Variants in GPM6A observed in about 807,000 individuals in gnomAD.
GPM6A encodes the protein glycoprotein M6A.
A neutral mutation model predicts 32.1 loss-of-function variants in GPM6A; 7 were observed. The ratio of observed to expected loss-of-function variants is 0.22; its 90% CI spans 0.12 to 0.41. The LOEUF is 0.41. Ranked by LOEUF, GPM6A falls within the 10% of genes least tolerant of loss-of-function variation. The probability of loss-of-function intolerance (pLI) is 1.00; values close to 1 mark genes in which losing one functional copy is unlikely to be tolerated. For missense variants in GPM6A, 235 were observed against 347.2 expected (o/e 0.68, Z 2.57); for synonymous variants, 130 against 123.4 (o/e 1.05, Z -0.35).
rs538081650 is a variant in GPM6A, at chr4:175,893,131, G to A, written c.-22-80882C>T. Among the ~76,000 whole-genome samples the A allele has an allele frequency of 2.0e-5, 3 of 152,318 alleles. No homozygotes were observed. The South Asian group carries it at 6.2e-4, about 32-fold the overall frequency. ...CCCCATGGATAAGACAGGCATTGGA[G>A]ACAGTGATGGTAAACCTACGAGCCT... On this transcript the variant is annotated intron_variant, in intron 1 of 7. Coordinates refer to the GPM6A transcript ENST00000280187.
intron 1 of GPM6A, among the ~76,000 whole-genome samples, chr4:175,992,696 T>C (rs1005380589): frequency 1.3e-5 from 2 of 152,186 alleles, no homozygotes; most frequent in Admixed American, 6.5e-5. Flanking sequence ...AGTTTGAATA[T>C]AGGTCATGTA....
intron 1 of GPM6A, among the ~76,000 whole-genome samples, chr4:175,764,164 T>C (rs544258360): frequency 6.6e-6 from 1 of 152,326 alleles, no homozygotes; most frequent in East Asian, 1.9e-4. Context: ...TAAGCAGTCC[T>C]GCCTCAGTTC....
intron 1 of GPM6A, among the ~76,000 whole-genome samples, chr4:175,953,247 A>G (rs1219698604): frequency 6.6e-6 from 1 of 152,182 alleles, no homozygotes; most frequent in Non-Finnish European, 1.5e-5. Flanking sequence ...TAGTTTTTGA[A>G]GCTGAAAAAC....
chr4:175,941,716 C>T (rs1343847005), intron 1 of GPM6A, among the ~76,000 whole-genome samples: 1 of 152,158 alleles, frequency 6.6e-6, no homozygotes, highest in African/African-American at 2.4e-5. Flanking sequence ...GACATGAACT[C>T]ATCTTTTTTA....
At chr4:175,742,739 G>A (rs1312684922) in intron 1 of GPM6A, among the ~76,000 whole-genome samples, 2 of 152,102 alleles carry the variant, frequency 1.3e-5, no homozygotes, top group African/African-American at 4.8e-5. Context: ...ATTTCGAAGA[G>A]GAATCAACGC....
intron 1 of GPM6A, among the ~76,000 whole-genome samples, chr4:175,719,101 A>G (rs1210133146): frequency 6.6e-6 from 1 of 152,132 alleles, no homozygotes; most frequent in Non-Finnish European, 1.5e-5. Context: ...TTTAGAATTT[A>G]TATATTTATT....
chr4:175,724,752 T>C (rs1450373977), intron 1 of GPM6A, among the ~76,000 whole-genome samples: 1 of 151,918 alleles, frequency 6.6e-6, no homozygotes, highest in Non-Finnish European at 1.5e-5. Flanking sequence ...GAGAGAAGAG[T>C]GCTTTTCTCT....
At chr4:175,745,160 C>A (rs1732051224) in intron 1 of GPM6A, among the ~76,000 whole-genome samples, 1 of 152,028 alleles carries the variant, frequency 6.6e-6, no homozygotes, top group African/African-American at 2.4e-5. Flanking sequence ...GATTTTTTTA[C>A]AGCATACACA....
At chr4:175,746,922 AAGAT>A (rs1732127261) in intron 1 of GPM6A, among the ~76,000 whole-genome samples, 1 of 152,178 alleles carries the variant, frequency 6.6e-6, no homozygotes, top group African/African-American at 2.4e-5. Context: ...ACCCATTAAG[AAGAT>A]AGTCTAAATC....
intron 4 of GPM6A, among the ~76,000 whole-genome samples, chr4:175,650,839 G>A (rs953890835): frequency 6.6e-5 from 10 of 152,098 alleles, no homozygotes; most frequent in Admixed American, 4.6e-4. Flanking sequence ...AGAGAAAAAC[G>A]CTCAGTGTCC....
At position 175,915,395 on chromosome 4, in the gene GPM6A, T is replaced by C. The variant is rs368858558; in HGVS notation, c.-23+86914A>G. 9.2e-5 allele frequency among the ~76,000 whole-genome samples: 14 copies of C among 151,970 alleles called. No homozygotes were observed. The East Asian group carries it at 2.3e-3, about 25-fold the overall frequency. On this transcript the variant is annotated intron_variant, in intron 1 of 7. Transcript: ENST00000280187. ...TCTGCCTCCCGTGTTCAAGCAATTC[T>C]CCTGCCTCAGCCTCCTGAGTATCTG... is the stretch of plus-strand genomic sequence containing the variant.
intron 1 of GPM6A, chr4:175,961,992 T>G (rs1427488032): frequency 3.7e-6 from 2 of 547,010 alleles, no homozygotes; most frequent in African/African-American, 1.9e-5. Context: ...GGCTCTTGTA[T>G]ATTAACAGGG....
At chr4:175,844,168 A>G (rs913595232) in intron 1 of GPM6A, among the ~76,000 whole-genome samples, 4 of 152,198 alleles carry the variant, frequency 2.6e-5, no homozygotes, top group African/African-American at 9.6e-5. Flanking sequence ...CTTGATCCTC[A>G]TTGCAAAAGC....
At chr4:175,673,130 C>T (rs1301267571) in intron 3 of GPM6A, among the ~76,000 whole-genome samples, 1 of 151,920 alleles carries the variant, frequency 6.6e-6, no homozygotes, top group Non-Finnish European at 1.5e-5. Flanking sequence ...TCATTTTCAC[C>T]ACTCATGCAT....
In GPM6A at chr4:175,820,655, A is replaced by T. The variant is rs369833930; in HGVS notation, c.-22-8406T>A. Among the ~76,000 whole-genome samples, 9 of 151,480 alleles carry T rather than the reference A, an allele frequency of 5.9e-5. No homozygotes were observed. The East Asian group carries it at 9.7e-4, about 16-fold the overall frequency. On this transcript the variant is annotated intron_variant, in intron 1 of 7. Coordinates refer to the GPM6A transcript ENST00000280187. The stretch of plus-strand genomic sequence containing the variant: ...ACTGGGATTACAGGCATGCGCCACC[A>T]CGCCCAGCTAATTTTTATATTTTCA...
chr4:175,862,600 C>G (rs985437054), intron 1 of GPM6A, among the ~76,000 whole-genome samples: 1 of 152,132 alleles, frequency 6.6e-6, no homozygotes, highest in African/African-American at 2.4e-5. Context: ...CTTTCTTGTA[C>G]AAGTACTTTC....
Position 175,976,328 on chromosome 4 carries a change from A to ATTTTTTTTTT in GPM6A, c.-23+25971_-23+25980dup, listed in dbSNP as rs34163669. 9.1e-4 allele frequency among the ~76,000 whole-genome samples: 125 copies of ATTTTTTTTTT among 137,312 alleles called. 1 individual carries two copies. The highest frequency in any genetic ancestry group is 7.7e-3 in the East Asian group (37 of 4,788). 90.1% of individuals were successfully genotyped at this position (137,312 alleles called of 152,430 possible). A position where few individuals can be genotyped will look rare whatever the true frequency, so the allele number is the denominator to read the frequency against. On this transcript the variant is annotated intron_variant, in intron 1 of 7. Transcript: ENST00000280187. ...AGGCGCCTGCCACCACGCCTGGCTA[A>ATTTTTTTTTT]TTTTTTTTTTTGTATTTTTAGTAGA...
chr4:175,920,069 G>A (rs1013013535), intron 1 of GPM6A, among the ~76,000 whole-genome samples: 1 of 152,256 alleles, frequency 6.6e-6, no homozygotes, highest in African/African-American at 2.4e-5. Context: ...AGGTGATGGA[G>A]CTTGGCTTAC....
At chr4:175,967,833 A>G (rs1329677549) in intron 1 of GPM6A, among the ~76,000 whole-genome samples, 1 of 152,206 alleles carries the variant, frequency 6.6e-6, no homozygotes, top group Non-Finnish European at 1.5e-5. Context: ...TCAAGATGTC[A>G]GTTCTTCCCA....
Sources: gnomAD v4.1 joint callset for allele counts (sites outside exome capture counted in the v4.1 genomes callset) on GRCh38, gnomAD v4.1.1 for gene constraint, MANE v1.5 for transcripts, NCBI Gene and HGNC (gene_info 2026-07-23, HGNC 2026-07-21) for gene names.